The following KLHL29 variants were observed in gnomAD, a reference collection of about 807,000 sequenced individuals.
The protein encoded by KLHL29 is kelch-like protein 29.
KLHL29 carries 21 observed loss-of-function variants against 80.4 expected under a neutral mutation model. The observed-to-expected ratio is 0.26, with a 90% CI of 0.19 to 0.38. KLHL29 has a LOEUF of 0.38. Ranked by LOEUF, KLHL29 falls within the 10% of genes least tolerant of loss-of-function variation. The probability of loss-of-function intolerance (pLI) is 1.00; values close to 1 mark genes in which losing one functional copy is unlikely to be tolerated. For synonymous variants in KLHL29, 511 were observed against 526.8 expected (o/e 0.97, Z 0.41); for missense variants, 867 against 1,223.9 (o/e 0.71, Z 4.35).
chr2:23,631,825 G>A (rs79371274), intron 3 of KLHL29, among the ~76,000 whole-genome samples: 27 of 152,212 alleles, frequency 1.8e-4, no homozygotes, highest in Non-Finnish European at 2.4e-4. Context: ...AAGTGGCCTC[G>A]TCAAGGAGCT....
At chr2:23,585,343 C>T (rs943214760) in intron 3 of KLHL29, among the ~76,000 whole-genome samples, 2 of 152,056 alleles carry the variant, frequency 1.3e-5, no homozygotes, top group Non-Finnish European at 2.9e-5. Context: ...CACTGCTAAC[C>T]GGGAGATTTA....
Position 23,562,528 on chromosome 2 carries a change from T to G in KLHL29, c.285+47T>G. On this transcript the variant is annotated intron_variant, in intron 3 of 13. Transcript: ENST00000486442. The surrounding 1 kb of genome is among the most constrained non-coding windows in gnomAD (Gnocchi z 4.5). ...GAGCAGGAGCCGGACAGAGGGGCCC[T>G]GCCTCCCTGCAGGCTCAGGCCAGCC... is the stretch of plus-strand genomic sequence containing the variant. 3 of 1,518,500 alleles carry G rather than the reference T, an allele frequency of 2.0e-6. No homozygotes were observed. The highest frequency in any genetic ancestry group is 2.6e-6 in the Non-Finnish European group (3 of 1,135,044). 94.1% of individuals were successfully genotyped at this position (1,518,500 alleles called of 1,614,324 possible).
chr2:23,672,694 T>G (rs1000766833), intron 5 of KLHL29: 1 of 152,636 alleles, frequency 6.6e-6, no homozygotes, highest in Non-Finnish European at 1.5e-5. Flanking sequence ...GCTGTCTTGC[T>G]CACCTCTTGC....
At chr2:23,436,280 TTGTGTGTGTGTGTGTG>T (rs57931176) in intron 1 of KLHL29, among the ~76,000 whole-genome samples, 241 of 137,036 alleles carry the variant, frequency 1.8e-3, no homozygotes, top group African/African-American at 4.8e-3. Flanking sequence ...CCAATCAGCT[TTGTGTGTGTGTGTGTG>T]TGTGTGTGTG....
intron 3 of KLHL29, among the ~76,000 whole-genome samples, chr2:23,628,918 G>A (rs2149148260): frequency 6.6e-6 from 1 of 152,318 alleles, no homozygotes; most frequent in Non-Finnish European, 1.5e-5. Context: ...CTGCCCGCAG[G>A]GCCGGCAGTT....
chr2:23,474,617 ATC>A (rs1489647091), intron 1 of KLHL29, among the ~76,000 whole-genome samples: 3 of 152,146 alleles, frequency 2.0e-5, no homozygotes, highest in Non-Finnish European at 4.4e-5. Context: ...GATCACGTGC[ATC>A]TCTATCAGCG....
intron 2 of KLHL29, among the ~76,000 whole-genome samples, chr2:23,482,856 CA>C (rs1664837754): frequency 6.6e-6 from 1 of 151,500 alleles, no homozygotes; most frequent in African/African-American, 2.4e-5. Flanking sequence ...TTCATTCATT[CA>C]TTCATTCATT....
chr2:23,553,400 C>A (rs1035381546), intron 2 of KLHL29, among the ~76,000 whole-genome samples: 1 of 152,220 alleles, frequency 6.6e-6, no homozygotes, highest in Non-Finnish European at 1.5e-5. Context: ...TAGAGTGGAA[C>A]AGGAGAAGGC....
intron 1 of KLHL29, among the ~76,000 whole-genome samples, chr2:23,438,828 A>G (rs951564927): frequency 2.0e-5 from 3 of 152,048 alleles, no homozygotes; most frequent in African/African-American, 4.8e-5. Flanking sequence ...GCCTCATAAA[A>G]TGAGTTAGGG....
rs1670660942 is a variant in KLHL29 at position 23,669,821 on chromosome 2, C to T, written c.941-14578C>T. On this transcript the variant is annotated intron_variant, in intron 5 of 13. Coordinates refer to ENST00000486442, the MANE Select transcript of KLHL29 (RefSeq NM_052920.2). The surrounding 1 kb of genome is among the most constrained non-coding windows in gnomAD (Gnocchi z 4.3). ...GCCCCGCCAGCGCAGGACAGCAACTCTTGGGTAACTGTGTCCATTGGATTT... is the reference window on the plus strand; with the variant it reads ...GCCCCGCCAGCGCAGGACAGCAACTTTTGGGTAACTGTGTCCATTGGATTT... Among the ~76,000 whole-genome samples the T allele has an allele frequency of 6.6e-6, 1 of 152,188 alleles. No homozygotes were observed. The highest frequency in any genetic ancestry group is 6.5e-5 in the Admixed American group (1 of 15,284).
chr2:23,546,867 G>C (rs1203758311), intron 2 of KLHL29, among the ~76,000 whole-genome samples: 2 of 152,244 alleles, frequency 1.3e-5, no homozygotes, highest in African/African-American at 4.8e-5. Context: ...GGAGAGCGAG[G>C]GTTGTGCTGG....
intron 5 of KLHL29, among the ~76,000 whole-genome samples, chr2:23,658,104 A>ACTC (rs1456609762): frequency 6.8e-6 from 1 of 148,094 alleles, no homozygotes; most frequent in Non-Finnish European, 1.5e-5. Flanking sequence ...TCTCCTGCCC[A>ACTC]CTCCTCCTCC....
At chr2:23,674,953 C>T (rs1437980485) in intron 5 of KLHL29, among the ~76,000 whole-genome samples, 2 of 152,178 alleles carry the variant, frequency 1.3e-5, no homozygotes, top group African/African-American at 4.8e-5. Flanking sequence ...CCAGTCCCCA[C>T]AGAGCTCTTC....
intron 3 of KLHL29, among the ~76,000 whole-genome samples, chr2:23,568,652 C>T (rs1432121224): frequency 1.3e-5 from 2 of 152,222 alleles, no homozygotes; most frequent in Non-Finnish European, 2.9e-5. Context: ...AAGCAGGAGG[C>T]ATGGCCAAGC....
chr2:23,562,273 C>T lies in KLHL29; in HGVS notation c.77C>T (p.Thr26Met), dbSNP rs1044731837. ...WDRREWSVNG[T>M]HGTTSICSVT... ...CGCCGCGAATGGAGCGTCAACGGGACGCATGGGACCACCAGCATCTGCAGT... is the reference window on the plus strand; with the variant it reads ...CGCCGCGAATGGAGCGTCAACGGGATGCATGGGACCACCAGCATCTGCAGT... The change falls in exon 3 of 14, where the codon ACG becomes ATG. Residue 26 changes from threonine (T) to methionine (M), a missense_variant. By Grantham distance (81) the Thr-to-Met change is moderately conservative. Transcript: ENST00000486442. This position sits in a 1 kb window ranked among gnomAD's most constrained non-coding sequence, Gnocchi z 4.5. The T allele has an allele frequency of 5.8e-6, 9 of 1,549,070 alleles. No homozygotes were observed. Among genetic ancestry groups the T allele is most frequent in the East Asian group, 2.4e-5 (1 of 40,896 alleles).
chr2:23,522,306 C>T (rs1044770450), intron 2 of KLHL29, among the ~76,000 whole-genome samples: 4 of 152,058 alleles, frequency 2.6e-5, no homozygotes, highest in East Asian at 1.9e-4. Flanking sequence ...TGTACCATCA[C>T]GCCTGGCTAA....
intron 1 of KLHL29, among the ~76,000 whole-genome samples, chr2:23,462,043 G>C (rs780882696): frequency 1.3e-5 from 2 of 149,518 alleles, no homozygotes; most frequent in African/African-American, 5.0e-5. Flanking sequence ...GGCTGCACCT[G>C]TGTTCCTTCC....
intron 5 of KLHL29, among the ~76,000 whole-genome samples, chr2:23,679,356 C>T (rs1488143157): frequency 6.6e-6 from 1 of 152,198 alleles, no homozygotes; most frequent in Admixed American, 6.5e-5. Flanking sequence ...CTCGTTTCTG[C>T]TCCACACAGT....
intron 2 of KLHL29, among the ~76,000 whole-genome samples, chr2:23,547,038 A>G (rs1666995742): frequency 6.6e-6 from 1 of 152,192 alleles, no homozygotes; most frequent in Non-Finnish European, 1.5e-5. Context: ...GAGCATTTCC[A>G]GCAGAGCACA....
Sources: allele counts gnomAD v4.1 joint callset (sites outside exome capture counted in the v4.1 genomes callset), GRCh38; gene constraint gnomAD v4.1.1; non-coding constraint Gnocchi (gnomAD v3.1); transcripts MANE v1.5; gene names NCBI Gene and HGNC (gene_info 2026-07-23, HGNC 2026-07-21).